AXIN1: variants seen among roughly 807,000 people sequenced by gnomAD.
The protein encoded by AXIN1 is axin 1.
Under a neutral mutation model 76.4 loss-of-function variants are expected in AXIN1, and 30 were observed. That is an observed-to-expected ratio of 0.39 (90% CI 0.29 to 0.53). The LOEUF (loss-of-function observed/expected upper bound fraction) is 0.53, where lower values mean the gene tolerates loss of function less well. Ranked by LOEUF, AXIN1 falls within the 20% of genes least tolerant of loss-of-function variation. AXIN1 has a pLI of 0.66. For missense variants in AXIN1, 1,140 were observed against 1,198.8 expected, an observed-to-expected ratio of 0.95 and a Z score of 0.72; for synonymous variants, 545 against 501.4, an observed-to-expected ratio of 1.09 and a Z score of -1.16.
Position 346,822 on chromosome 16 carries a change from C to G in AXIN1, c.204G>C (p.Leu68=). 2 of 1,613,476 alleles carry G rather than the reference C, an allele frequency of 1.2e-6. No homozygotes were observed. Residue 68 remains leucine (L), a synonymous_variant, in exon 2 of 11, where the codon CTG becomes CTC. Transcript: ENST00000262320. ...TATPRRSDLD[L]GYEPEGSASP... is the part of the protein sequence containing the mutation. ...AGGCACTGCCCTCAGGCTCATACCC[C>G]AGGTCCAGATCCGAGCGCCTCGGAG...
chr16:326,372 A>AAAAAT lies in AXIN1; in HGVS notation c.879-11690_879-11689insATTTT, dbSNP rs1380874299. On this transcript the variant is annotated intron_variant, in intron 2 of 10. Coordinates refer to ENST00000262320, the MANE Select transcript of AXIN1 (RefSeq NM_003502.4). ...TCCGTCTCAAAAAAAAAAAAAAAAA[A>AAAAAT]ATATATATATATATATATATATACA... 5.8e-3 allele frequency among the ~76,000 whole-genome samples: 499 copies of AAAAAT among 86,376 alleles called. 2 individuals are homozygous for AAAAAT. Among genetic ancestry groups the AAAAAT allele is most frequent in the Non-Finnish European group, 8.9e-3 (429 of 48,252 alleles). 56.7% of individuals were successfully genotyped at this position (86,376 alleles called of 152,430 possible). A position where few individuals can be genotyped will look rare whatever the true frequency, so the allele number is the denominator to read the frequency against.
At chr16:315,616 A>G (rs1478906385) in intron 2 of AXIN1, among the ~76,000 whole-genome samples, 1 of 152,164 alleles carries the variant, frequency 6.6e-6, no homozygotes, top group Non-Finnish European at 1.5e-5. Context: ...TCACGAGGTC[A>G]GGAGATCGAG....
Position 304,586 on chromosome 16 carries a change from G to C in AXIN1, c.1117-145C>G, listed in dbSNP as rs2141548927. 7.0e-6 allele frequency: 9 copies of C among 1,279,104 alleles called. No homozygotes were observed. The South Asian group carries it at 1.1e-4, about 16-fold the overall frequency. The allele number at this position is 1,279,104 out of a possible 1,614,324, so 79.2% of individuals were successfully genotyped here. A position where few individuals can be genotyped will look rare whatever the true frequency, so the allele number is the denominator to read the frequency against. On this transcript the variant is annotated intron_variant, in intron 4 of 10. Coordinates refer to ENST00000262320, the MANE Select transcript of AXIN1 (RefSeq NM_003502.4). ...CTCTTGCTCTGTCACCCAGGCTGGAGTGCAATGGCGTGATCTTGGCTCACT... is the reference window on the plus strand; with the variant it reads ...CTCTTGCTCTGTCACCCAGGCTGGACTGCAATGGCGTGATCTTGGCTCACT...
intron 2 of AXIN1, among the ~76,000 whole-genome samples, chr16:320,484 T>C (rs3848363): frequency 0.62 from 93,607 of 151,892 alleles, 29,891 homozygotes; most frequent in African/African-American, 0.78. Context: ...AAAATTATGA[T>C]GCTTCGCTGT....
intron 5 of AXIN1, chr16:299,004 T>G: frequency 1.1e-6 from 1 of 880,930 alleles, no homozygotes; most frequent in Non-Finnish European, 1.4e-6. Flanking sequence ...CCTGACCTCA[T>G]GATCCACCCA....
chr16:314,669 C>T lies in AXIN1; in HGVS notation c.893G>A (p.Arg298Gln), dbSNP rs2053259947. ...GACATAATAGGGGTTGACTGGCTCC[C>T]GCCAGGATCCATACCTGCAAACAGG... Reference protein sequence around the residue: ...EGREFRYGSWREPVNPYYVNA... With the variant: ...EGREFRYGSWQEPVNPYYVNA... Residue 298 changes from arginine to glutamine, a missense_variant, in exon 3 of 11, where the codon CGG becomes CAG. Arg to Gln is a conservative substitution (Grantham distance 43). This residue lies in a region of AXIN1 where 708 missense variants were observed against 776.9 expected (regional missense o/e 0.91). Transcript: ENST00000262320. 5.0e-6 allele frequency: 8 copies of T among 1,613,672 alleles called. No individual in the cohort carries two copies. Among genetic ancestry groups the T allele is most frequent in the Admixed American group, 1.7e-5 (1 of 60,010 alleles).
chr16:332,387 C>A (rs1010590190), intron 2 of AXIN1, among the ~76,000 whole-genome samples: 1 of 151,812 alleles, frequency 6.6e-6, no homozygotes, highest in Non-Finnish European at 1.5e-5. Context: ...ACCATCCTGG[C>A]TAACACAGTG....
At position 321,837 on chromosome 16, in the gene AXIN1, G is replaced by A. The variant is rs534298245; in HGVS notation, c.879-7154C>T. 1.1e-4 allele frequency among the ~76,000 whole-genome samples: 17 copies of A among 152,368 alleles called. 1 individual carries two copies. In the South Asian group the frequency reaches 3.1e-3, roughly 28 times the overall value. On this transcript the variant is annotated intron_variant, in intron 2 of 10. Coordinates refer to ENST00000262320, the MANE Select transcript of AXIN1 (RefSeq NM_003502.4). ...GGAAAGTGGATTCCAACCTCAAAGT[G>A]TTATCCAGACACAGCCTTGCCCTTC... is the stretch of plus-strand genomic sequence containing the variant.
rs1307777679 is a variant in AXIN1 at position 294,525 on chromosome 16, C to T, written c.1956-807G>A. 4.4e-5 allele frequency among the ~76,000 whole-genome samples: 6 copies of T among 136,112 alleles called. 1 individual carries two copies. In the South Asian group the frequency reaches 1.4e-3, roughly 33 times the overall value. The allele number at this position is 136,112 out of a possible 152,430, so 89.3% of individuals were successfully genotyped here. ...ATCCCAGCACGCTGGGAGGCCGAGGCGGGTGGATCATCTGAGGTCAGGAGT... is the reference window on the plus strand; with the variant it reads ...ATCCCAGCACGCTGGGAGGCCGAGGTGGGTGGATCATCTGAGGTCAGGAGT... On this transcript the variant is annotated intron_variant, in intron 7 of 10. Coordinates refer to ENST00000262320, the MANE Select transcript of AXIN1 (RefSeq NM_003502.4).
At chr16:320,134 TTTC>T (rs2053406171) in intron 2 of AXIN1, among the ~76,000 whole-genome samples, 1 of 152,066 alleles carries the variant, frequency 6.6e-6, no homozygotes, top group Non-Finnish European at 1.5e-5. Context: ...GCACTGACAT[TTTC>T]TTTTTTATTC....
intron 2 of AXIN1, among the ~76,000 whole-genome samples, chr16:333,931 G>A (rs756060074): frequency 6.6e-6 from 1 of 150,640 alleles, no homozygotes; most frequent in Non-Finnish European, 1.5e-5. Context: ...ACAGCACCCA[G>A]TACCATACCA....
chr16:310,188 C>G lies in AXIN1; in HGVS notation c.1020-119G>C. On this transcript the variant is annotated intron_variant, in intron 3 of 10. Coordinates refer to ENST00000262320, the MANE Select transcript of AXIN1 (RefSeq NM_003502.4). Reference sequence around the variant, plus strand: ...AGGCAATGATGAGGACACCTGTGAGCCACCACCACTGAGACACGTGCACAC... The same window carrying G: ...AGGCAATGATGAGGACACCTGTGAGGCACCACCACTGAGACACGTGCACAC... 7.2e-6 allele frequency: 6 copies of G among 837,682 alleles called. No homozygotes were observed. In the South Asian group the frequency reaches 8.6e-5, roughly 12 times the overall value. 51.9% of individuals were successfully genotyped at this position (837,682 alleles called of 1,614,324 possible). A position where few individuals can be genotyped will look rare whatever the true frequency, so the allele number is the denominator to read the frequency against.
At chr16:312,856 T>C (rs1413195346) in intron 3 of AXIN1, among the ~76,000 whole-genome samples, 1 of 152,208 alleles carries the variant, frequency 6.6e-6, no homozygotes, top group Non-Finnish European at 1.5e-5. Flanking sequence ...TCATCTGAAA[T>C]TCAGGTTTTG....
In AXIN1 at chr16:295,482, G is replaced by A. The variant is rs146312644; in HGVS notation, c.1955+1574C>T. Among the ~76,000 whole-genome samples the A allele has an allele frequency of 4.0e-3, 606 of 152,016 alleles. 10 individuals carry two copies. Among genetic ancestry groups the A allele is most frequent in the African/African-American group, 9.5e-3 (393 of 41,452 alleles). ...CGGATAGCTTTGAGTCCAGGAGGCTGAGACTGCAGTGAACGGTGTGATTAC... is the reference window on the plus strand; with the variant it reads ...CGGATAGCTTTGAGTCCAGGAGGCTAAGACTGCAGTGAACGGTGTGATTAC... On this transcript the variant is annotated intron_variant, in intron 7 of 10. Transcript: ENST00000262320.
At position 347,037 on chromosome 16, in the gene AXIN1, G is replaced by A. The variant is rs757335761; in HGVS notation, c.-12C>T. 7.4e-6 allele frequency: 12 copies of A among 1,613,870 alleles called. No individual in the cohort carries two copies. The East Asian group carries it at 2.7e-4, about 36-fold the overall frequency. ...TCTTGGATATTCATTTTGGGACTCT[G>A]CGTCAAGGAACAATGAGCGCTGCAC... is the stretch of plus-strand genomic sequence containing the variant. On this transcript the variant is annotated 5_prime_UTR_variant, in exon 2 of 11. The change creates a premature stop within an existing upstream ORF in the 5' untranslated region. Transcript: ENST00000262320.
At chr16:289,743 G>GCCCGAGGCCTCGCTGCC in intron 9 of AXIN1, 136 bp from the exon 10 acceptor site, 1 of 1,083,450 alleles carries the variant, frequency 9.2e-7, no homozygotes, top group Non-Finnish European at 1.3e-6. Flanking sequence ...AACACCTGGG[G>GCCCGAGGCCTCGCTGCC]CCCGCAGCCC....
At chr16:328,785 C>T (rs891586811) in intron 2 of AXIN1, among the ~76,000 whole-genome samples, 6 of 152,348 alleles carry the variant, frequency 3.9e-5, no homozygotes, top group Admixed American at 3.9e-4. Context: ...CACATGGCAA[C>T]GGGTGCTACA....
chr16:320,743 A>ATTTTTTTTTTTTTTT (rs71299927), intron 2 of AXIN1, among the ~76,000 whole-genome samples: 2 of 107,628 alleles, frequency 1.9e-5, no homozygotes, highest in Middle Eastern at 4.8e-3. Flanking sequence ...ATATATATAT[A>ATTTTTTTTTTTTTTT]TTTTTTTTTT....
intron 2 of AXIN1, among the ~76,000 whole-genome samples, chr16:342,596 A>C (rs185590704): frequency 1.7e-4 from 26 of 152,176 alleles, no homozygotes; most frequent in Admixed American, 1.2e-3. Context: ...TGGAGAACCC[A>C]CTTTCCTTCA....
Sources: gnomAD v4.1 joint callset for allele counts (sites outside exome capture counted in the v4.1 genomes callset) on GRCh38, gnomAD v4.1.1 for gene constraint, gnomAD v4.1.1 regional missense constraint, MANE v1.5 for transcripts, NCBI Gene and HGNC (gene_info 2026-07-23, HGNC 2026-07-21) for gene names.